Variants in DPP9 observed in about 807,000 individuals in gnomAD.
DPP9 encodes the protein dipeptidyl peptidase 9.
Under a neutral mutation model 110.7 loss-of-function variants are expected in DPP9, and 50 were observed. The observed-to-expected ratio is 0.45, with a 90% confidence interval of 0.36 to 0.57. DPP9 has a LOEUF of 0.57. Ranked by LOEUF, DPP9 falls within the 20% of genes least tolerant of loss-of-function variation. DPP9 has a pLI of 0.00. For missense variants in DPP9, 1,022 were observed against 1,217.9 expected (o/e 0.84, Z 2.39); for synonymous variants, 561 against 514.4 (o/e 1.09, Z -1.23).
intron 7 of DPP9, among the ~76,000 whole-genome samples, chr19:4,703,432 C>CTGGCCAACATGGGG (rs1424912242): frequency 1.6e-4 from 24 of 149,798 alleles, no homozygotes; most frequent in African/African-American, 6.0e-4. Context: ...CAAGAGCAGC[C>CTGGCCAACATGGGG]TGGCCAACAT....
chr19:4,711,136 C>G (rs2092811202), intron 4 of DPP9, among the ~76,000 whole-genome samples: 1 of 152,164 alleles, frequency 6.6e-6, no homozygotes. Flanking sequence ...TGGACCCAGG[C>G]ACGGACAGAT....
chr19:4,694,835 G>A lies in DPP9; in HGVS notation c.1354-12C>T. 1 of 1,613,278 alleles carries A rather than the reference G, an allele frequency of 6.2e-7. No individual in the cohort carries two copies. Among genetic ancestry groups the A allele is most frequent in the Non-Finnish European group, 8.5e-7 (1 of 1,179,636 alleles). On this transcript the variant is annotated splice_polypyrimidine_tract_variant and intron_variant, in intron 12 of 21. Transcript: ENST00000262960. This position sits in a 1 kb window ranked among gnomAD's most constrained non-coding sequence, Gnocchi z 4.0. ...AAGATGTCATGAACCTGTCCGGAAA[G>A]CAGATAGAAGATGCGTCAGAAGGTG...
At chr19:4,715,174 C>G (rs548132182) in intron 3 of DPP9, among the ~76,000 whole-genome samples, 181 of 151,930 alleles carry the variant, frequency 1.2e-3, no homozygotes, top group African/African-American at 4.0e-3. Flanking sequence ...TGCCTGCCAC[C>G]ATGCCCAACT....
intron 11 of DPP9, among the ~76,000 whole-genome samples, chr19:4,696,526 C>T (rs867849775): frequency 4.6e-5 from 7 of 151,864 alleles, no homozygotes; most frequent in Middle Eastern, 3.4e-3. Context: ...TTTGGGAAGC[C>T]GAGGGGGGCG....
At chr19:4,712,468 C>T (rs1024752691) in intron 4 of DPP9, among the ~76,000 whole-genome samples, 1 of 152,054 alleles carries the variant, frequency 6.6e-6, no homozygotes, top group African/African-American at 2.4e-5. Flanking sequence ...GGATGATCAC[C>T]TGAGCCAGGG....
In DPP9 at chr19:4,697,556, G is replaced by A. The variant is rs371548399; in HGVS notation, c.1170C>T (p.Gly390=). 1 of 1,612,962 alleles carries A rather than the reference G, an allele frequency of 6.2e-7. No homozygotes were observed. The highest frequency in any genetic ancestry group is 1.3e-5 in the African/African-American group (1 of 74,932). The change falls in exon 11 of 22, where the codon GGC becomes GGT. Residue 390 remains glycine, a synonymous_variant. Transcript: ENST00000262960. The part of the protein sequence containing the change: ...YIARAGWTRD[G]KYAWAMFLDR... ...TTCCAGCCAGAGACACTCACTATTTGCCATCCCGGGTCCACCCGGCCCTGG... is the reference window on the plus strand; with the variant it reads ...TTCCAGCCAGAGACACTCACTATTTACCATCCCGGGTCCACCCGGCCCTGG...
Position 4,682,406 on chromosome 19 carries a change from C to A in DPP9, c.2474+290G>T, listed in dbSNP as rs1452877236. Reference sequence around the variant, plus strand: ...GAGGCTTGCCTGTGAAAAGCAGTGACTCGAATTCCCTCATCTTTCCCAGGG... The same window carrying A: ...GAGGCTTGCCTGTGAAAAGCAGTGAATCGAATTCCCTCATCTTTCCCAGGG... On this transcript the variant is annotated intron_variant, in intron 20 of 21. Transcript: ENST00000262960. The surrounding 1 kb of genome is among the most constrained non-coding windows in gnomAD (Gnocchi z 7.1). Among the ~76,000 whole-genome samples the A allele has an allele frequency of 1.3e-5, 2 of 152,128 alleles. No individual in the cohort carries two copies. Among genetic ancestry groups the A allele is most frequent in the African/African-American group, 4.8e-5 (2 of 41,426 alleles).
At chr19:4,707,409 C>T (rs534301737) in intron 4 of DPP9, among the ~76,000 whole-genome samples, 69 of 152,236 alleles carry the variant, frequency 4.5e-4, no homozygotes, top group African/African-American at 1.5e-3. Flanking sequence ...TTCCCCTCTC[C>T]ATGCGACACC....
intron 2 of DPP9, among the ~76,000 whole-genome samples, chr19:4,720,892 G>A (rs2093290594): frequency 6.6e-6 from 1 of 152,206 alleles, no homozygotes; most frequent in South Asian, 2.1e-4. Flanking sequence ...CATTCTAAAC[G>A]AGGGGGACCC....
intron 4 of DPP9, among the ~76,000 whole-genome samples, chr19:4,707,389 A>T (rs1599930600): frequency 1.3e-5 from 2 of 152,264 alleles, no homozygotes; most frequent in African/African-American, 4.8e-5. Context: ...AACCCCTGGG[A>T]AGCCTCGGTT....
intron 11 of DPP9, among the ~76,000 whole-genome samples, chr19:4,696,151 C>G (rs2091783339): frequency 1.3e-5 from 2 of 152,100 alleles, no homozygotes; most frequent in African/African-American, 4.8e-5. Context: ...TCCGCCAGCC[C>G]CAGCCTCCCA....
chr19:4,691,995 C>T (rs575162061), intron 13 of DPP9, among the ~76,000 whole-genome samples: 22 of 151,614 alleles, frequency 1.5e-4, no homozygotes, highest in African/African-American at 4.6e-4. Flanking sequence ...TTTGTGGGGG[C>T]GAGGGGGTAG....
rs758820626 is a variant in DPP9 at position 4,682,880 on chromosome 19, G to GAA, written c.2332-44_2332-43dup. 1 of 1,550,698 alleles carries GAA rather than the reference G, an allele frequency of 6.4e-7. No homozygotes were observed. The highest frequency in any genetic ancestry group is 8.7e-7 in the Non-Finnish European group (1 of 1,149,792). ...ACAGATGGGGGCAGAGAGAGAGAGA[G>GAA]AAACAGGCGTCGGGTCCTACAGCCA... is the stretch of plus-strand genomic sequence containing the variant. On this transcript the variant is annotated intron_variant, in intron 19 of 21. Transcript: ENST00000262960. This position sits in a 1 kb window ranked among gnomAD's most constrained non-coding sequence, Gnocchi z 7.1.
At chr19:4,683,852 TGGGAGCCACGTCCCCTCTGA>T (rs1204911579) in intron 18 of DPP9, 1 of 1,522,612 alleles carries the variant, frequency 6.6e-7, no homozygotes, top group Non-Finnish European at 8.8e-7. Context: ...TGAGTGGCTC[TGGGAGCCACGTCCCCTCTGA>T]GGGCGTCAGT....
chr19:4,683,214 C>T (rs1426072748), intron 19 of DPP9: 1 of 1,429,432 alleles, frequency 7.0e-7, no homozygotes, highest in Non-Finnish European at 9.1e-7. Context: ...GGCCGGGGTC[C>T]CGGGCTCAGC....
chr19:4,713,773 A>G (rs979873870), intron 4 of DPP9, among the ~76,000 whole-genome samples: 1 of 152,158 alleles, frequency 6.6e-6, no homozygotes, highest in Non-Finnish European at 1.5e-5. Context: ...TAGCACTGGA[A>G]ACAATCTCCG....
rs2090626377 is a variant in DPP9 at position 4,685,862 on chromosome 19, T to A, written c.1886-91A>T. ...CCTGCCCACCCCAAGCCTTGGAGGGTGGACCAAAGCACCCCCTCTTTTCCT... is the reference window on the plus strand; with the variant it reads ...CCTGCCCACCCCAAGCCTTGGAGGGAGGACCAAAGCACCCCCTCTTTTCCT... On this transcript the variant is annotated intron_variant, in intron 16 of 21. Transcript: ENST00000262960. This position sits in a 1 kb window ranked among gnomAD's most constrained non-coding sequence, Gnocchi z 5.8. 1 of 1,474,422 alleles carries A rather than the reference T, an allele frequency of 6.8e-7. No homozygotes were observed. The highest frequency in any genetic ancestry group is 1.4e-5 in the African/African-American group (1 of 71,718). 91.3% of individuals were successfully genotyped at this position (1,474,422 alleles called of 1,614,324 possible).
Position 4,704,121 on chromosome 19 carries a change from C to T in DPP9, c.600+10G>A, listed in dbSNP as rs1440350385. 1 of 1,613,734 alleles carries T rather than the reference C, an allele frequency of 6.2e-7. No homozygotes were observed. Among genetic ancestry groups the T allele is most frequent in the African/African-American group, 1.3e-5 (1 of 74,928 alleles). On this transcript the variant is annotated intron_variant, in intron 6 of 21. Transcript: ENST00000262960. This position sits in a 1 kb window ranked among gnomAD's most constrained non-coding sequence, Gnocchi z 6.0. ...CGCCACCCCCGCACACAGCCAGGGCCAGGGCTCACCATGAAGCCGTTCTTG... is the reference window on the plus strand; with the variant it reads ...CGCCACCCCCGCACACAGCCAGGGCTAGGGCTCACCATGAAGCCGTTCTTG...
Position 4,718,572 on chromosome 19 carries a change from AACTGCCCCCAGC to A in DPP9, c.56+1267_56+1278del, listed in dbSNP as rs1260658869. ...AGCATGCCACCCTCTGTCCTACCCA[AACTGCCCCCAGC>A]ACTGCCTGGGCCTTTAGCTTTGATG... On this transcript the variant is annotated intron_variant, in intron 3 of 21. Coordinates refer to ENST00000262960, the MANE Select transcript of DPP9 (RefSeq NM_139159.5). This position sits in a 1 kb window ranked among gnomAD's most constrained non-coding sequence, Gnocchi z 4.3. Among the ~76,000 whole-genome samples the A allele has an allele frequency of 6.6e-6, 1 of 152,168 alleles. No individual in the cohort carries two copies. Among genetic ancestry groups the A allele is most frequent in the African/African-American group, 2.4e-5 (1 of 41,450 alleles).
Sources: allele counts gnomAD v4.1 joint callset (sites outside exome capture counted in the v4.1 genomes callset), GRCh38; gene constraint gnomAD v4.1.1; non-coding constraint Gnocchi (gnomAD v3.1); transcripts MANE v1.5; gene names NCBI Gene and HGNC (gene_info 2026-07-23, HGNC 2026-07-21).